Variants in LGMN observed in about 807,000 individuals in gnomAD.
The protein encoded by LGMN is asparaginyl endopeptidase.
LGMN carries 36 observed loss-of-function variants against 56.8 expected under a neutral mutation model. That is an observed-to-expected ratio of 0.63 (90% confidence interval 0.49 to 0.84). LGMN has a LOEUF of 0.84. LGMN is among the 40% of genes least tolerant of loss of function. The pLI, the probability that LGMN is intolerant of heterozygous loss-of-function variation, is 0.00. For missense variants in LGMN, 446 were observed against 556.1 expected (o/e 0.80, Z 1.99); for synonymous variants, 199 against 210.1 (o/e 0.95, Z 0.46).
intron 2 of LGMN, among the ~76,000 whole-genome samples, chr14:92,727,615 A>C (rs1356846736): frequency 1.3e-5 from 2 of 151,926 alleles, no homozygotes; most frequent in Admixed American, 1.3e-4. Flanking sequence ...CTGCCAGCTG[A>C]TGCTCTTCCC....
chr14:92,704,202 G>A lies in LGMN; in HGVS notation c.*117C>T, dbSNP rs531181720. 1.6e-5 allele frequency: 21 copies of A among 1,317,138 alleles called. No homozygotes were observed. Among genetic ancestry groups the A allele is most frequent in the Middle Eastern group, 1.8e-4 (1 of 5,510 alleles). The allele number at this position is 1,317,138 out of a possible 1,614,324, so 81.6% of individuals were successfully genotyped here. A position where few individuals can be genotyped will look rare whatever the true frequency, so the allele number is the denominator to read the frequency against. The stretch of plus-strand genomic sequence containing the variant: ...AAGGTCCTGGAGCGAGCCCTGGAGC[G>A]GGGGCTCCCCAGGAGGGCCCGAGCA... On this transcript the variant is annotated 3_prime_UTR_variant, in exon 14 of 14. Transcript: ENST00000334869.
chr14:92,713,584 C>T (rs1889909154), intron 7 of LGMN, among the ~76,000 whole-genome samples: 1 of 152,212 alleles, frequency 6.6e-6, no homozygotes, highest in Non-Finnish European at 1.5e-5. Flanking sequence ...GCCCCCTCCG[C>T]AGACCTACTG....
chr14:92,733,502 G>T (rs1891156741), intron 1 of LGMN, among the ~76,000 whole-genome samples: 1 of 152,180 alleles, frequency 6.6e-6, no homozygotes, highest in Non-Finnish European at 1.5e-5. Flanking sequence ...TGTAAGAAAA[G>T]AATATACATG....
At chr14:92,715,232 T>TGA in intron 5 of LGMN, among the ~76,000 whole-genome samples, 1 of 151,602 alleles carries the variant, frequency 6.6e-6, no homozygotes, top group South Asian at 2.1e-4. Flanking sequence ...TGTGTGTGTG[T>TGA]GTTTGAGACA....
intron 11 of LGMN, 112 bp downstream of exon 11, chr14:92,709,560 C>T (rs1792943892): frequency 1.5e-5 from 13 of 864,048 alleles, no homozygotes; most frequent in South Asian, 1.2e-4. Context: ...TGGCTTCTGT[C>T]CCCCCATACT....
intron 1 of LGMN, among the ~76,000 whole-genome samples, chr14:92,735,822 T>A (rs1891277367): frequency 6.6e-6 from 1 of 150,924 alleles, no homozygotes; most frequent in Non-Finnish European, 1.5e-5. Context: ...TTTCTTGGAG[T>A]AGCGGCTAGT....
chr14:92,716,212 G>C lies in LGMN; in HGVS notation c.328C>G (p.Pro110Ala). 6.2e-7 allele frequency: 1 copy of C among 1,612,708 alleles called. No homozygotes were observed. Among genetic ancestry groups the C allele is most frequent in the South Asian group, 1.1e-5 (1 of 91,050 alleles). The stretch of plus-strand genomic sequence containing the variant: ...CTCAACACAGCAAGGAAATTTTGTG[G>C]GGTAACATCCTACAAAGAATTAGGA... ...PKDYTGEDVT[P>A]QNFLAVLRGD... Residue 110 changes from proline (P) to alanine (A), a missense_variant, in exon 5 of 14, where the codon CCA (proline) becomes GCA (alanine). Transcript: ENST00000334869.
intron 2 of LGMN, among the ~76,000 whole-genome samples, chr14:92,729,000 G>A (rs1190167344): frequency 6.6e-6 from 1 of 152,168 alleles, no homozygotes; most frequent in Non-Finnish European, 1.5e-5. Context: ...GCACTGCAGA[G>A]CAGGTGGGGT....
chr14:92,712,285 T>C (rs1889822337), intron 8 of LGMN, among the ~76,000 whole-genome samples: 1 of 152,212 alleles, frequency 6.6e-6, no homozygotes, highest in Non-Finnish European at 1.5e-5. Flanking sequence ...TACTTTGGTT[T>C]CCAGAGAGAT....
At chr14:92,727,958 GA>G (rs1890825524) in intron 2 of LGMN, among the ~76,000 whole-genome samples, 1 of 152,214 alleles carries the variant, frequency 6.6e-6, no homozygotes, top group African/African-American at 2.4e-5. Flanking sequence ...TTAATGCTCA[GA>G]AAAATTCTGC....
intron 1 of LGMN, among the ~76,000 whole-genome samples, chr14:92,740,021 T>G (rs1458680826): frequency 6.6e-6 from 1 of 152,022 alleles, no homozygotes. Context: ...AAGGCCGAGT[T>G]CGGAGGATCA....
chr14:92,746,043 G>T (rs908615968), intron 1 of LGMN, among the ~76,000 whole-genome samples: 1 of 152,098 alleles, frequency 6.6e-6, no homozygotes, highest in African/African-American at 2.4e-5. Context: ...GGATGGTCTT[G>T]ATCTCCTGAC....
intron 2 of LGMN, among the ~76,000 whole-genome samples, chr14:92,726,305 C>G (rs1316480942): frequency 6.6e-6 from 1 of 152,112 alleles, no homozygotes; most frequent in Non-Finnish European, 1.5e-5. Context: ...GTCACCACCA[C>G]CTCCTTCCTG....
At chr14:92,743,063 T>C (rs1397580142) in intron 1 of LGMN, 1 of 152,114 alleles carries the variant, frequency 6.6e-6, no homozygotes, top group Admixed American at 6.5e-5. Flanking sequence ...AATTTTTCTT[T>C]AACAAAAGAT....
At chr14:92,719,402 C>T (rs1890344656) in intron 2 of LGMN, among the ~76,000 whole-genome samples, 1 of 151,314 alleles carries the variant, frequency 6.6e-6, no homozygotes, top group African/African-American at 2.4e-5. Context: ...GCCACCAACA[C>T]CGCCACCACT....
rs28580353 is a variant in LGMN at position 92,709,945 on chromosome 14, A to G, written c.820-73T>C. On this transcript the variant is annotated intron_variant, in intron 10 of 13. Coordinates refer to ENST00000334869, the MANE Select transcript of LGMN (RefSeq NM_005606.7). The stretch of plus-strand genomic sequence containing the variant: ...GTGAGAGAAGGCCAGAGAGAGAGGG[A>G]GAGAGAGAGCTGGTTTGAGTGGGAG... The G allele has an allele frequency of 6.0e-3, 7,680 of 1,279,720 alleles. 343 individuals carry two copies. The African/African-American group carries it at 0.099, about 17-fold the overall frequency. 79.3% of individuals were successfully genotyped at this position (1,279,720 alleles called of 1,614,324 possible).
chr14:92,711,780 ACAATCAGAGT>A, intron 9 of LGMN, 32 bp from the exon 10 acceptor site: 1 of 1,611,860 alleles, frequency 6.2e-7, no homozygotes, highest in Admixed American at 1.7e-5. Context: ...GAGACCTTTG[ACAATCAGAGT>A]CTGACGGTTA....
chr14:92,723,337 A>G (rs114398625), intron 2 of LGMN, among the ~76,000 whole-genome samples: 4,176 of 152,104 alleles, frequency 0.027, 213 homozygotes, highest in African/African-American at 0.095. Flanking sequence ...GAGCCACCAC[A>G]TCTGTCCTGC....
At chr14:92,706,401 G>T in intron 12 of LGMN, 82 bp downstream of exon 12, 3 of 1,198,492 alleles carry the variant, frequency 2.5e-6, no homozygotes, top group Non-Finnish European at 3.4e-6. Flanking sequence ...CTTCTATAAG[G>T]TCGTACAACC....
Sources: allele counts gnomAD v4.1 joint callset (sites outside exome capture counted in the v4.1 genomes callset), GRCh38; gene constraint gnomAD v4.1.1; transcripts MANE v1.5; gene names NCBI Gene and HGNC (gene_info 2026-07-23, HGNC 2026-07-21).